The following KAZN variants were observed in gnomAD, a reference collection of about 807,000 sequenced individuals.
The protein encoded by KAZN is kazrin.
A neutral mutation model predicts 87.4 loss-of-function variants in KAZN; 40 were observed. The observed-to-expected ratio is 0.46, with a 90% CI of 0.36 to 0.60. The LOEUF is 0.60. KAZN is among the 20% of genes least tolerant of loss of function. The probability of loss-of-function intolerance (pLI) is 0.00; values close to 1 mark genes in which losing one functional copy is unlikely to be tolerated. For synonymous variants in KAZN, 466 were observed against 458.3 expected, an observed-to-expected ratio of 1.02 and a Z score of -0.22; for missense variants, 898 against 1,073.9, an observed-to-expected ratio of 0.84 and a Z score of 2.29.
At chr1:13,930,952 G>T (rs1167188724) in intron 1 of KAZN, among the ~76,000 whole-genome samples, 1 of 152,154 alleles carries the variant, frequency 6.6e-6, no homozygotes, top group Non-Finnish European at 1.5e-5. Context: ...ATGGCCTTGT[G>T]GGTCCTGGCT....
At chr1:14,460,495 C>G (rs562899258) in intron 2 of KAZN, among the ~76,000 whole-genome samples, 186 of 152,358 alleles carry the variant, frequency 1.2e-3, no homozygotes, top group African/African-American at 4.1e-3. Flanking sequence ...GGGCCACCAG[C>G]ACCAGACTCA....
At chr1:14,719,034 C>T (rs557765075) in intron 1 of KAZN, among the ~76,000 whole-genome samples, 5 of 152,196 alleles carry the variant, frequency 3.3e-5, no homozygotes, top group South Asian at 4.2e-4. Context: ...CCAAGAACAG[C>T]GGGAACCTGG....
At chr1:14,416,884 G>GT (rs1159452678) in intron 2 of KAZN, among the ~76,000 whole-genome samples, 1 of 151,992 alleles carries the variant, frequency 6.6e-6, no homozygotes, top group African/African-American at 2.4e-5. Flanking sequence ...GAGATCAGGA[G>GT]TTTAAGACCA....
chr1:14,299,269 G>A (rs948474236), intron 2 of KAZN, among the ~76,000 whole-genome samples: 5 of 152,146 alleles, frequency 3.3e-5, no homozygotes, highest in Non-Finnish European at 7.3e-5. Flanking sequence ...TTGGGAGGCC[G>A]AGGTGTGTGG....
intron 2 of KAZN, among the ~76,000 whole-genome samples, chr1:14,402,327 C>G (rs1663485834): frequency 6.6e-6 from 1 of 151,854 alleles, no homozygotes; most frequent in Admixed American, 6.6e-5. Flanking sequence ...ATTGATAACA[C>G]TCATTGAGTT....
In KAZN at chr1:13,922,249, T is replaced by C. The variant is rs1487772055; in HGVS notation, c.91+28493T>C. On this transcript the variant is annotated intron_variant, in intron 1 of 16. Coordinates refer to the KAZN transcript ENST00000636203. Reference sequence around the variant, plus strand: ...ATCGGTCCCCCGCCCCCAACTCTTGTATTTTTCCAGTAAAGTTCTGTATCC... The same window carrying C: ...ATCGGTCCCCCGCCCCCAACTCTTGCATTTTTCCAGTAAAGTTCTGTATCC... 2.0e-5 allele frequency among the ~76,000 whole-genome samples: 3 copies of C among 152,284 alleles called. No homozygotes were observed. In the East Asian group the frequency reaches 5.8e-4, roughly 29 times the overall value.
intron 2 of KAZN, among the ~76,000 whole-genome samples, chr1:14,515,992 G>T (rs958242541): frequency 4.6e-5 from 7 of 152,176 alleles, no homozygotes; most frequent in African/African-American, 1.7e-4. Context: ...TATCACTAGG[G>T]CCTAAACAGG....
intron 1 of KAZN, among the ~76,000 whole-genome samples, chr1:14,624,443 A>T (rs1403752235): frequency 1.3e-5 from 2 of 152,086 alleles, no homozygotes; most frequent in Non-Finnish European, 2.9e-5. Flanking sequence ...AAAACAACAA[A>T]AAAAACCACT....
At chr1:14,986,827 T>C (rs2101926798) in intron 2 of KAZN, among the ~76,000 whole-genome samples, 2 of 152,320 alleles carry the variant, frequency 1.3e-5, no homozygotes, top group South Asian at 4.1e-4. Flanking sequence ...CACCAATCAC[T>C]GTGCCTGCCC....
chr1:13,981,093 A>ATATATATATACATATATATATATATATG (rs1638655477), intron 1 of KAZN, among the ~76,000 whole-genome samples: 1 of 78,152 alleles, frequency 1.3e-5, no homozygotes, highest in African/African-American at 4.6e-5. Flanking sequence ...TACTCTTTAT[A>ATATATATATACATATATATATATATATG]TATATATATA....
chr1:13,932,400 A>G (rs1453353168), intron 1 of KAZN, among the ~76,000 whole-genome samples: 2 of 150,136 alleles, frequency 1.3e-5, no homozygotes, highest in South Asian at 2.1e-4. Context: ...AGCTGGGACT[A>G]CAGGCGCCCG....
At chr1:14,952,452 T>C (rs1413571836) in intron 1 of KAZN, among the ~76,000 whole-genome samples, 1 of 151,810 alleles carries the variant, frequency 6.6e-6, no homozygotes, top group Non-Finnish European at 1.5e-5. Flanking sequence ...TAAAAATGAG[T>C]TTTTAATGGA....
chr1:14,418,607 G>T (rs1295854405), intron 2 of KAZN, among the ~76,000 whole-genome samples: 1 of 152,142 alleles, frequency 6.6e-6, no homozygotes, highest in Non-Finnish European at 1.5e-5. Flanking sequence ...AGATAGCAAG[G>T]CTTGTTTTAT....
intron 2 of KAZN, among the ~76,000 whole-genome samples, chr1:14,334,234 G>A (rs901108027): frequency 6.6e-6 from 1 of 151,892 alleles, no homozygotes; most frequent in Admixed American, 6.6e-5. Context: ...GTGTGGTGGT[G>A]TATGCCTGTA....
At chr1:15,097,767 G>A (rs559161912) in intron 10 of KAZN, among the ~76,000 whole-genome samples, 4 of 152,258 alleles carry the variant, frequency 2.6e-5, no homozygotes, top group African/African-American at 4.8e-5. Flanking sequence ...GCAGTGAGCC[G>A]AGACTGCATC....
At chr1:14,264,542 T>A (rs1370849754) in intron 2 of KAZN, among the ~76,000 whole-genome samples, 1 of 152,168 alleles carries the variant, frequency 6.6e-6, no homozygotes, top group Non-Finnish European at 1.5e-5. Flanking sequence ...GGATGAGTCC[T>A]ACCCCCATCC....
intron 1 of KAZN, among the ~76,000 whole-genome samples, chr1:14,886,532 C>A (rs1415615998): frequency 6.6e-6 from 1 of 152,080 alleles, no homozygotes; most frequent in South Asian, 2.1e-4. Flanking sequence ...TGGCTCACGC[C>A]TGTAATCCCA....
chr1:14,958,222 G>A (rs111773732), intron 1 of KAZN, among the ~76,000 whole-genome samples: 1,699 of 152,294 alleles, frequency 0.011, 12 homozygotes, highest in Non-Finnish European at 0.015. Context: ...GCGAGGGTAG[G>A]GCATCTAGGA....
chr1:14,368,951 C>T (rs1385422947), intron 2 of KAZN, among the ~76,000 whole-genome samples: 2 of 152,158 alleles, frequency 1.3e-5, no homozygotes, highest in African/African-American at 4.8e-5. Context: ...AGGACCATTT[C>T]TGGTCCTGAT....
Sources: allele counts gnomAD v4.1 joint callset (sites outside exome capture counted in the v4.1 genomes callset), GRCh38; gene constraint gnomAD v4.1.1; transcripts MANE v1.5; gene names NCBI Gene and HGNC (gene_info 2026-07-23, HGNC 2026-07-21).